CDH12: variants seen among roughly 807,000 people sequenced by gnomAD.
CDH12 encodes cadherin 12.
In CDH12, 41 loss-of-function variants were observed where a neutral mutation model predicts 74.1. The ratio of observed to expected loss-of-function variants is 0.55; its 90% CI spans 0.43 to 0.72. The LOEUF (loss-of-function observed/expected upper bound fraction) is 0.72. CDH12 is among the 30% of genes least tolerant of loss of function. The probability of loss-of-function intolerance (pLI) is 0.00; values close to 1 mark genes in which losing one functional copy is unlikely to be tolerated. For missense variants in CDH12, 945 were observed against 977.2 expected, an observed-to-expected ratio of 0.97 and a Z score of 0.44; for synonymous variants, 399 against 355.0, an observed-to-expected ratio of 1.12 and a Z score of -1.39.
Position 22,355,702 on chromosome 5 carries a change from C to T in CDH12, c.-333+49555G>A, listed in dbSNP as rs61661821. Among the ~76,000 whole-genome samples, 951 of 152,106 alleles carry T rather than the reference C, an allele frequency of 6.3e-3. 9 individuals carry two copies. The highest frequency in any genetic ancestry group is 0.022 in the African/African-American group (903 of 41,508). ...TTCAGATCATCACTCAGTATCCAAA[C>T]TTGCATAATCTTGACATTCTTGGCA... On this transcript the variant is annotated intron_variant, in intron 3 of 14. Transcript: ENST00000382254.
Position 22,733,356 on chromosome 5 carries a change from T to TA in CDH12, c.-523+119701dup, listed in dbSNP as rs556830480. 2.6e-4 allele frequency among the ~76,000 whole-genome samples: 39 copies of TA among 151,892 alleles called. No homozygotes were observed. The East Asian group carries it at 6.0e-3, about 23-fold the overall frequency. On this transcript the variant is annotated intron_variant, in intron 1 of 14. Coordinates refer to ENST00000382254, the MANE Select transcript of CDH12 (RefSeq NM_004061.5). ...CCTAAGCATATTTCAAAAACTACGT[T>TA]AAAAAAGGAGCAAAATTCAAAAAAT...
intron 1 of CDH12, among the ~76,000 whole-genome samples, chr5:22,734,320 T>G: frequency 6.6e-6 from 1 of 151,816 alleles, no homozygotes; most frequent in East Asian, 1.9e-4. Context: ...GACATCTGAT[T>G]CCCAACATTT....
chr5:22,770,570 A>G (rs1746752745), intron 1 of CDH12, among the ~76,000 whole-genome samples: 2 of 152,132 alleles, frequency 1.3e-5, no homozygotes, highest in South Asian at 2.1e-4. Context: ...AAGCTAATTT[A>G]TTTGCTTCCT....
At chr5:21,910,146 GA>G (rs1382832214) in intron 6 of CDH12, among the ~76,000 whole-genome samples, 1 of 152,120 alleles carries the variant, frequency 6.6e-6, no homozygotes, top group East Asian at 1.9e-4. Flanking sequence ...TTGCCATGTG[GA>G]AAATGTGTAT....
Position 22,124,120 on chromosome 5 carries a change from A to G in CDH12, c.-186-45258T>C, listed in dbSNP as rs73058322. The stretch of plus-strand genomic sequence containing the variant: ...GTAGCTGGGATTACAGCGCGCGCCA[A>G]CACTCCCTGCTGATTATTATTATTA... On this transcript the variant is annotated intron_variant, in intron 4 of 14. Transcript: ENST00000382254. 8.5e-3 allele frequency among the ~76,000 whole-genome samples: 1,282 copies of G among 151,274 alleles called. 21 individuals carry two copies. Among genetic ancestry groups the G allele is most frequent in the African/African-American group, 0.03 (1,234 of 41,262 alleles).
At chr5:22,367,121 G>GT (rs894744500) in intron 3 of CDH12, among the ~76,000 whole-genome samples, 49 of 151,948 alleles carry the variant, frequency 3.2e-4, no homozygotes, top group African/African-American at 7.7e-4. Flanking sequence ...GTATTTTTGT[G>GT]TTTTTTTTAA....
chr5:22,514,380 A>C (rs1408296914), intron 1 of CDH12, among the ~76,000 whole-genome samples: 1 of 152,216 alleles, frequency 6.6e-6, no homozygotes, highest in Non-Finnish European at 1.5e-5. Flanking sequence ...ATGTGCAGCA[A>C]AGCTGAAAGA....
chr5:22,266,041 ATTT>A (rs1736087380), intron 3 of CDH12, among the ~76,000 whole-genome samples: 1 of 960 alleles, frequency 1.0e-3, no homozygotes. Flanking sequence ...TTTGTTGATT[ATTT>A]ATTTATTTAT....
intron 3 of CDH12, among the ~76,000 whole-genome samples, chr5:22,279,711 A>C (rs1384380611): frequency 1.3e-5 from 2 of 152,032 alleles, no homozygotes; most frequent in African/African-American, 2.4e-5. Context: ...TGAACTCATC[A>C]TTTTTTATGG....
At chr5:22,220,742 A>AC (rs1462521210) in intron 3 of CDH12, among the ~76,000 whole-genome samples, 5 of 151,912 alleles carry the variant, frequency 3.3e-5, no homozygotes, top group African/African-American at 1.2e-4. Context: ...TTAAAAAGAT[A>AC]CCTGACTTCA....
intron 3 of CDH12, among the ~76,000 whole-genome samples, chr5:22,283,247 T>C (rs62350718): frequency 0.44 from 50,224 of 113,616 alleles, 11,213 homozygotes; most frequent in Admixed American, 0.52. Flanking sequence ...TATATATATA[T>C]ATATACACAC....
At chr5:22,229,860 TACACAC>T (rs150657280) in intron 3 of CDH12, among the ~76,000 whole-genome samples, 2 of 148,648 alleles carry the variant, frequency 1.3e-5, no homozygotes, top group Non-Finnish European at 3.0e-5. Flanking sequence ...TTCTAATTGA[TACACAC>T]ACACACACAC....
At chr5:22,456,582 T>C (rs1745284792) in intron 2 of CDH12, among the ~76,000 whole-genome samples, 1 of 152,074 alleles carries the variant, frequency 6.6e-6, no homozygotes. Flanking sequence ...AATCAAACTA[T>C]TGATTTGTAA....
At chr5:22,467,585 T>C (rs566339897) in intron 2 of CDH12, among the ~76,000 whole-genome samples, 1 of 152,366 alleles carries the variant, frequency 6.6e-6, no homozygotes, top group East Asian at 1.9e-4. Flanking sequence ...GGGGAGGGAC[T>C]TGGTCTTTCT....
chr5:21,978,515 T>A (rs1561343616), intron 5 of CDH12, among the ~76,000 whole-genome samples: 1 of 152,184 alleles, frequency 6.6e-6, no homozygotes, highest in Admixed American at 6.5e-5. Flanking sequence ...TAAATACATA[T>A]TTACTGCACA....
intron 2 of CDH12, among the ~76,000 whole-genome samples, chr5:22,467,934 T>C (rs1281294697): frequency 6.6e-6 from 1 of 152,236 alleles, no homozygotes; most frequent in Non-Finnish European, 1.5e-5. Context: ...ATAAGATTCT[T>C]AATGCTTTGA....
At chr5:22,197,685 G>A (rs1750701230) in intron 4 of CDH12, among the ~76,000 whole-genome samples, 3 of 151,986 alleles carry the variant, frequency 2.0e-5, no homozygotes. Context: ...AAACTATGAT[G>A]TTATTATCAC....
intron 3 of CDH12, among the ~76,000 whole-genome samples, chr5:22,252,843 T>C (rs1753181369): frequency 6.6e-6 from 1 of 151,918 alleles, no homozygotes; most frequent in Admixed American, 6.6e-5. Context: ...TTTTCTCACC[T>C]CCCTGGCTGG....
intron 6 of CDH12, among the ~76,000 whole-genome samples, chr5:21,869,488 AAT>A (rs1238613610): frequency 6.6e-6 from 1 of 152,156 alleles, no homozygotes; most frequent in Non-Finnish European, 1.5e-5. Context: ...TATTTTTTAG[AAT>A]ATGTTTATGT....
Sources: allele counts gnomAD v4.1 joint callset (sites outside exome capture counted in the v4.1 genomes callset), GRCh38; gene constraint gnomAD v4.1.1; transcripts MANE v1.5; gene names NCBI Gene and HGNC (gene_info 2026-07-23, HGNC 2026-07-21).